Variants in LTBP2 observed in about 807,000 individuals in gnomAD.
LTBP2 encodes the protein latent-transforming growth factor beta-binding protein 2.
Under a neutral mutation model 210.6 loss-of-function variants are expected in LTBP2, and 103 were observed. The observed-to-expected ratio is 0.49, with a 90% confidence interval of 0.42 to 0.58. The LOEUF (loss-of-function observed/expected upper bound fraction) is 0.58, where lower values mean the gene tolerates loss of function less well. LTBP2 is among the 20% of genes least tolerant of loss of function. The probability of loss-of-function intolerance (pLI) is 0.00; values close to 1 mark genes in which losing one functional copy is unlikely to be tolerated. For synonymous variants in LTBP2, 1,007 were observed against 1,015.0 expected (o/e 0.99, Z 0.15); for missense variants, 2,313 against 2,494.5 (o/e 0.93, Z 1.55).
intron 1 of LTBP2, among the ~76,000 whole-genome samples, chr14:74,606,842 A>G (rs184282009): frequency 2.0e-5 from 3 of 151,866 alleles, no homozygotes; most frequent in Non-Finnish European, 4.4e-5. Flanking sequence ...ACTCCATCTC[A>G]AAAAACAAAA....
intron 8 of LTBP2, among the ~76,000 whole-genome samples, chr14:74,538,798 C>T (rs189885837): frequency 3.9e-5 from 6 of 152,326 alleles, no homozygotes; most frequent in African/African-American, 1.2e-4. Flanking sequence ...CGGATTTGCA[C>T]GTTCCATGTA....
At chr14:74,564,694 T>C (rs2087879883) in intron 3 of LTBP2, among the ~76,000 whole-genome samples, 1 of 152,000 alleles carries the variant, frequency 6.6e-6, no homozygotes, top group South Asian at 2.1e-4. Flanking sequence ...ACTGGTGCTA[T>C]AATTTAATGA....
intron 2 of LTBP2, among the ~76,000 whole-genome samples, chr14:74,601,100 T>C (rs1270286536): frequency 3.9e-5 from 6 of 152,216 alleles, no homozygotes; most frequent in African/African-American, 1.2e-4. Context: ...CCCCAGAGCC[T>C]CTGCTTAGCA....
chr14:74,503,380 A>G lies in LTBP2; in HGVS notation c.4727T>C (p.Leu1576Pro). Reference sequence around the variant, plus strand: ...GTCCATGTGGATGTCGTGGTCAGGGAGGTCCTCTGGTGGCACAGGGCACGG... The same window carrying G: ...GTCCATGTGGATGTCGTGGTCAGGGGGGTCCTCTGGTGGCACAGGGCACGG... ...CMNSTSSTED[L>P]PDHDIHMDIC... Residue 1576 changes from leucine to proline, a missense_variant, in exon 33 of 36, where the codon CTC (leucine) becomes CCC (proline). By Grantham distance (98) the Leu-to-Pro change is moderately conservative (BLOSUM62 -3). This residue lies in a region of LTBP2 where 443 missense variants were observed against 501.4 expected (regional missense o/e 0.88). Coordinates refer to ENST00000261978, the MANE Select transcript of LTBP2 (RefSeq NM_000428.3). 1 of 1,612,684 alleles carries G rather than the reference A, an allele frequency of 6.2e-7. No homozygotes were observed. The highest frequency in any genetic ancestry group is 1.1e-5 in the South Asian group (1 of 90,978).
In LTBP2 at chr14:74,507,189, T is replaced by A. The variant is rs991154045; in HGVS notation, c.3897A>T (p.Gly1299=). ...CQPGFHMAPN[G]DCIDIDECAN... is the part of the protein sequence containing the mutation. ...TCCCTCCCTACTCACCAATGCAGTC[T>A]CCGTTCGGGGCCATGTGGAAGCCAG... is the stretch of plus-strand genomic sequence containing the variant. Residue 1299 remains glycine, a synonymous_variant, in exon 26 of 36, where the codon GGA becomes GGT. Transcript: ENST00000261978. 1.2e-6 allele frequency: 2 copies of A among 1,614,126 alleles called. No homozygotes were observed. Among genetic ancestry groups the A allele is most frequent in the Non-Finnish European group, 1.7e-6 (2 of 1,180,004 alleles).
intron 15 of LTBP2, among the ~76,000 whole-genome samples, chr14:74,524,412 C>G (rs1349725117): frequency 2.0e-5 from 3 of 152,078 alleles, no homozygotes; most frequent in South Asian, 2.1e-4. Context: ...ACCCTCACCC[C>G]CAACACAAGG....
chr14:74,588,852 T>C (rs1234244654), intron 2 of LTBP2, among the ~76,000 whole-genome samples: 1 of 152,216 alleles, frequency 6.6e-6, no homozygotes, highest in African/African-American at 2.4e-5. Context: ...TAGTTAATGG[T>C]GGAGCCAGGA....
chr14:74,601,656 C>T (rs1393133386), intron 2 of LTBP2, among the ~76,000 whole-genome samples: 1 of 152,208 alleles, frequency 6.6e-6, no homozygotes, highest in Non-Finnish European at 1.5e-5. Flanking sequence ...AGGCCTGAGG[C>T]AGAAGCCAAG....
intron 1 of LTBP2, among the ~76,000 whole-genome samples, chr14:74,610,003 G>C (rs1170928731): frequency 2.0e-5 from 3 of 152,172 alleles, no homozygotes; most frequent in Non-Finnish European, 4.4e-5. Context: ...GCAGTGCATG[G>C]GTCTACTCTC....
intron 18 of LTBP2, among the ~76,000 whole-genome samples, 196 bp downstream of exon 18, chr14:74,516,626 A>G (rs905663629): frequency 6.6e-6 from 1 of 152,170 alleles, no homozygotes; most frequent in Non-Finnish European, 1.5e-5. Context: ...CAGGTGGCAG[A>G]CAGGATGCCA....
At chr14:74,585,773 C>T in intron 3 of LTBP2, 81 bp downstream of exon 3, 2 of 1,605,776 alleles carry the variant, frequency 1.2e-6, no homozygotes, top group South Asian at 2.2e-5. Context: ...CACCAGCCTT[C>T]ACCAAACGGT....
At chr14:74,502,383 C>T (rs2086920540) in intron 34 of LTBP2, among the ~76,000 whole-genome samples, 1 of 152,198 alleles carries the variant, frequency 6.6e-6, no homozygotes, top group African/African-American at 2.4e-5. Flanking sequence ...TTCTCTCTCT[C>T]TCTCAGTCCC....
At chr14:74,562,688 T>G (rs2087810472) in intron 3 of LTBP2, among the ~76,000 whole-genome samples, 1 of 152,152 alleles carries the variant, frequency 6.6e-6, no homozygotes. Flanking sequence ...TTGTAAGGGA[T>G]GTGCAAATGA....
In LTBP2 at chr14:74,503,927, C is replaced by T. The variant is rs1237705733; in HGVS notation, c.4581G>A (p.Glu1527=). 1.2e-6 allele frequency: 2 copies of T among 1,614,100 alleles called. No homozygotes were observed. Among genetic ancestry groups the T allele is most frequent in the East Asian group, 2.2e-5 (1 of 44,884 alleles). The change falls in exon 31 of 36, where the codon GAG becomes GAA. Residue 1527 remains glutamate, a splice_region_variant and synonymous_variant. Coordinates refer to ENST00000261978, the MANE Select transcript of LTBP2 (RefSeq NM_000428.3). ...GGCAGGGATCATGTGTGTCCTTACC[C>T]TCACACTTCTTGTGGGAAGCATCGT... ...FHYDASHKKC[E]DHDECQDLAC...
At chr14:74,537,300 A>T (rs1449144285) in intron 8 of LTBP2, among the ~76,000 whole-genome samples, 1 of 152,238 alleles carries the variant, frequency 6.6e-6, no homozygotes. Context: ...CTGTCTTCAC[A>T]GGAAAAGGCA....
chr14:74,604,075 A>G (rs2088487351), intron 1 of LTBP2, among the ~76,000 whole-genome samples: 1 of 150,372 alleles, frequency 6.7e-6, no homozygotes, highest in African/African-American at 2.4e-5. Context: ...TGACTTGCCA[A>G]TTCCACACAG....
chr14:74,564,111 T>TTA (rs1179518193), intron 3 of LTBP2, among the ~76,000 whole-genome samples: 1 of 6,646 alleles, frequency 1.5e-4, no homozygotes, highest in Non-Finnish European at 3.0e-4. Context: ...ATATATATAT[T>TTA]TATATATATA....
At position 74,498,743 on chromosome 14, in the gene LTBP2, G is replaced by C. The variant is rs2086878343; in HGVS notation, c.*2141C>G. 4.3e-6 allele frequency: 1 copy of C among 231,968 alleles called. No individual in the cohort carries two copies. The highest frequency in any genetic ancestry group is 5.6e-5 in the Admixed American group (1 of 17,736). 14.4% of individuals were successfully genotyped at this position (231,968 alleles called of 1,614,324 possible). ...TTCTCCGATGGTGAGGTATAAGGCG[G>C]AGTGGCAAGGATGAGGTGAACAGAC... On this transcript the variant is annotated 3_prime_UTR_variant, in exon 36 of 36. Coordinates refer to ENST00000261978, the MANE Select transcript of LTBP2 (RefSeq NM_000428.3).
intron 25 of LTBP2, 86 bp from the exon 26 acceptor site, chr14:74,507,396 G>A (rs1260820854): frequency 6.3e-7 from 1 of 1,581,414 alleles, no homozygotes; most frequent in Non-Finnish European, 8.7e-7. Context: ...ACAACCTCTG[G>A]GGTTCTTGAT....
Sources: gnomAD v4.1 joint callset for allele counts (sites outside exome capture counted in the v4.1 genomes callset) on GRCh38, gnomAD v4.1.1 for gene constraint, gnomAD v4.1.1 regional missense constraint, MANE v1.5 for transcripts, NCBI Gene and HGNC (gene_info 2026-07-23, HGNC 2026-07-21) for gene names.